Variants in MYO18B observed in about 807,000 individuals in gnomAD.
The protein encoded by MYO18B is unconventional myosin-XVIIIb.
Under a neutral mutation model 273.0 loss-of-function variants are expected in MYO18B, and 204 were observed. That is an observed-to-expected ratio of 0.75 (90% confidence interval 0.67 to 0.84). MYO18B has a LOEUF of 0.84. Among genes scored for constraint, MYO18B ranks in the 40% least tolerant of loss-of-function variants. The pLI, the probability that MYO18B is intolerant of heterozygous loss-of-function variation, is 0.00. For synonymous variants in MYO18B, 1,330 were observed against 1,305.7 expected (o/e 1.02, Z -0.40); for missense variants, 3,212 against 3,287.6 (o/e 0.98, Z 0.56).
chr22:25,805,603 C>T (rs751944920), intron 12 of MYO18B, among the ~76,000 whole-genome samples: 2 of 152,200 alleles, frequency 1.3e-5, no homozygotes, highest in Non-Finnish European at 2.9e-5. Flanking sequence ...TGTTCTCATG[C>T]CGCAGCCAGC....
intron 38 of MYO18B, among the ~76,000 whole-genome samples, chr22:25,954,830 GC>G (rs2092830171): frequency 6.6e-6 from 1 of 152,080 alleles, no homozygotes; most frequent in Non-Finnish European, 1.5e-5. Flanking sequence ...TCATGCCTCA[GC>G]CTCCCAAGTA....
intron 33 of MYO18B, among the ~76,000 whole-genome samples, chr22:25,920,811 A>G (rs2092329662): frequency 6.6e-6 from 1 of 152,220 alleles, no homozygotes; most frequent in Non-Finnish European, 1.5e-5. Flanking sequence ...GGCTCTGTCC[A>G]GTCCCTGCCC....
chr22:25,900,977 A>C (rs1190222713), intron 29 of MYO18B: 2 of 152,188 alleles, frequency 1.3e-5, no homozygotes, highest in African/African-American at 4.8e-5. Context: ...ATCGAATAAC[A>C]TGTTTCTTGC....
downstream of MYO18B, among the ~76,000 whole-genome samples, chr22:26,032,354 T>C (rs1211849032): frequency 6.6e-6 from 1 of 152,176 alleles, no homozygotes; most frequent in Non-Finnish European, 1.5e-5. Context: ...CTAAGGCCTC[T>C]GTCCTTGGCT....
rs1601778587 is a variant in MYO18B, at chr22:25,992,480, A to G, written c.6274A>G (p.Ser2092Gly). The change falls in exon 40 of 44, where the codon AGT becomes GGT. Residue 2092 changes from serine (S) to glycine (G), a missense_variant. Ser to Gly is a moderately conservative substitution (Grantham distance 56). Coordinates refer to ENST00000335473, the MANE Select transcript of MYO18B (RefSeq NM_032608.7). ...CTTGGAAGAAGTGGCATCCAGTGAC[A>G]GTGATACTGAGAGGTAACTTGCTAG... ...AALEEVASSD[S>G]DTESVQTAVD... 2 of 1,613,992 alleles carry G rather than the reference A, an allele frequency of 1.2e-6. No individual in the cohort carries two copies. Among genetic ancestry groups the G allele is most frequent in the East Asian group, 2.2e-5 (1 of 44,878 alleles).
At position 25,835,336 on chromosome 22, in the gene MYO18B, G is replaced by C. The variant is rs189718688; in HGVS notation, c.3101G>C (p.Gly1034Ala). Reference protein sequence around the residue: ...PAGGGAQDARGLFWVLDEEVH... With the variant: ...PAGGGAQDARALFWVLDEEVH... Reference sequence around the variant, plus strand: ...GGAGGAGGTGCCCAGGATGCCAGAGGCCTTTTCTGGGTCTTAGATGAGGAA... The same window carrying C: ...GGAGGAGGTGCCCAGGATGCCAGAGCCCTTTTCTGGGTCTTAGATGAGGAA... Residue 1034 changes from glycine to alanine, a missense_variant, in exon 17 of 44, where the codon GGC (glycine) becomes GCC (alanine). Physicochemically the swap from Gly to Ala is moderately conservative, Grantham distance 60. Transcript: ENST00000335473. 6.2e-7 allele frequency: 1 copy of C among 1,613,960 alleles called. No homozygotes were observed. Among genetic ancestry groups the C allele is most frequent in the East Asian group, 2.2e-5 (1 of 44,880 alleles).
Position 25,868,380 on chromosome 22 carries a change from A to G in MYO18B, c.3946A>G (p.Ser1316Gly). The G allele has an allele frequency of 6.3e-7, 1 of 1,595,900 alleles. No individual in the cohort carries two copies. Among genetic ancestry groups the G allele is most frequent in the Middle Eastern group, 1.7e-4 (1 of 6,042 alleles). ...AAAGAAGGCGGTGGCTGTGGGGCAC[A>G]GCCAAGTGAGTAGAGCTGCTTTCTT... ...LEKKAVAVGH[S>G]QVFLKAGVIS... is the part of the protein sequence containing the mutation. The change falls in exon 22 of 44, where the codon AGC becomes GGC. Residue 1316 changes from serine (S) to glycine (G), a missense_variant. Transcript: ENST00000335473.
intron 37 of MYO18B, 88 bp downstream of exon 37, chr22:25,950,538 G>GTGTGTGTGTGTA: frequency 1.4e-6 from 1 of 718,584 alleles, no homozygotes; most frequent in Admixed American, 2.9e-5. Flanking sequence ...GTGTGTGTGT[G>GTGTGTGTGTGTA]TGTGTGTGTG....
rs2086590231 is a variant in MYO18B at position 25,768,476 on chromosome 22, C to G, written c.560C>G (p.Thr187Ser). 6.3e-7 allele frequency: 1 copy of G among 1,598,910 alleles called. No individual in the cohort carries two copies. The highest frequency in any genetic ancestry group is 8.5e-7 in the Non-Finnish European group (1 of 1,170,334). ...PCKTSPPATD[T>S]GKEKKGETSR... ...AAGACCTCTCCCCCCGCCACAGATA[C>G]TGGAAAGGAAAAGAAAGGGGAGACC... Residue 187 changes from threonine (T) to serine (S), a missense_variant, in exon 4 of 44, where the codon ACT (threonine) becomes AGT (serine). Coordinates refer to ENST00000335473, the MANE Select transcript of MYO18B (RefSeq NM_032608.7).
intron 3 of MYO18B, 140 bp downstream of exon 3, chr22:25,763,529 C>G (rs2145557019): frequency 5.8e-6 from 6 of 1,027,752 alleles, no homozygotes; most frequent in East Asian, 2.7e-5. Context: ...TCAACTTGAT[C>G]TATTGAGCTC....
rs145923838 is a variant in MYO18B, at chr22:25,927,918, G to A, written c.5517+6509G>A. ...ACTATTTGGATTAGCTAAAGAGGAG[G>A]CCCTTAATTTTGCTTTGAGAGAGGA... On this transcript the variant is annotated intron_variant, in intron 34 of 43. Coordinates refer to ENST00000335473, the MANE Select transcript of MYO18B (RefSeq NM_032608.7). Among the ~76,000 whole-genome samples the A allele has an allele frequency of 1.4e-4, 22 of 152,262 alleles. No homozygotes were observed. In the East Asian group the frequency reaches 4.1e-3, roughly 28 times the overall value.
Position 25,770,744 on chromosome 22 carries a change from G to GTCCCAAGCCTTC in MYO18B, c.1580-119_1580-108dup, listed in dbSNP as rs1449857919. 9.7e-5 allele frequency: 65 copies of GTCCCAAGCCTTC among 671,598 alleles called. 1 individual carries two copies. Among genetic ancestry groups the GTCCCAAGCCTTC allele is most frequent in the South Asian group, 7.6e-4 (42 of 55,428 alleles). 41.6% of individuals were successfully genotyped at this position (671,598 alleles called of 1,614,324 possible). A position where few individuals can be genotyped will look rare whatever the true frequency, so the allele number is the denominator to read the frequency against. On this transcript the variant is annotated intron_variant, in intron 5 of 43. Coordinates refer to ENST00000335473, the MANE Select transcript of MYO18B (RefSeq NM_032608.7). Reference sequence around the variant, plus strand: ...GTGAATAGACCCCAAATGGAGACCTGTCCCAAGCCTTCTCCCAAGCTTGCT... The same window carrying GTCCCAAGCCTTC: ...GTGAATAGACCCCAAATGGAGACCTGTCCCAAGCCTTCTCCCAAGCCTTCTCCCAAGCTTGCT...
intron 39 of MYO18B, among the ~76,000 whole-genome samples, chr22:25,973,605 G>A (rs1308531144): frequency 6.6e-6 from 1 of 152,186 alleles, no homozygotes; most frequent in East Asian, 1.9e-4. Flanking sequence ...TTTAATTGAA[G>A]TGGAATAAAA....
At chr22:26,023,103 G>A (rs1169960758) in intron 42 of MYO18B, among the ~76,000 whole-genome samples, 2 of 152,200 alleles carry the variant, frequency 1.3e-5, no homozygotes, top group Non-Finnish European at 2.9e-5. Flanking sequence ...GTTTGCCTAA[G>A]TCTCCTTCCT....
At chr22:25,837,851 G>A (rs976176399) in intron 17 of MYO18B, among the ~76,000 whole-genome samples, 3 of 152,168 alleles carry the variant, frequency 2.0e-5, no homozygotes, top group African/African-American at 7.2e-5. Flanking sequence ...TGTTCTGGGG[G>A]CCCATGAAAA....
chr22:25,854,618 T>G (rs549008709), intron 21 of MYO18B, among the ~76,000 whole-genome samples: 75 of 152,314 alleles, frequency 4.9e-4, no homozygotes, highest in African/African-American at 1.7e-3. Context: ...TCTCCATAAC[T>G]TTTTCGTCTT....
chr22:25,866,617 G>C (rs1397007420), intron 21 of MYO18B, among the ~76,000 whole-genome samples: 1 of 151,900 alleles, frequency 6.6e-6, no homozygotes, highest in East Asian at 1.9e-4. Flanking sequence ...GAAGCAGGTG[G>C]ATCATGAGGT....
At chr22:25,992,099 T>C (rs758687323) in intron 39 of MYO18B, among the ~76,000 whole-genome samples, 2 of 152,178 alleles carry the variant, frequency 1.3e-5, no homozygotes, top group East Asian at 1.9e-4. Flanking sequence ...GTCAGATGCA[T>C]TGGGAGCAGC....
chr22:25,972,661 G>T (rs1455982955), intron 39 of MYO18B, among the ~76,000 whole-genome samples: 1 of 152,186 alleles, frequency 6.6e-6, no homozygotes, highest in Non-Finnish European at 1.5e-5. Flanking sequence ...AGAGAGGTTA[G>T]AGACGAGATC....
Sources: gnomAD v4.1 joint callset for allele counts (sites outside exome capture counted in the v4.1 genomes callset) on GRCh38, gnomAD v4.1.1 for gene constraint, MANE v1.5 for transcripts, NCBI Gene and HGNC (gene_info 2026-07-23, HGNC 2026-07-21) for gene names.